Variants in ZNF804A observed in about 807,000 individuals in gnomAD.
ZNF804A encodes the protein zinc finger protein 804A.
In ZNF804A, 2 loss-of-function variants were observed where a neutral mutation model predicts 16.5. The ratio of observed to expected loss-of-function variants is 0.12; its 90% CI spans 0.05 to 0.38. The LOEUF is 0.38. ZNF804A is among the 10% of genes least tolerant of loss of function. The pLI is 0.99. For missense variants in ZNF804A, 1,473 were observed against 1,390.7 expected (o/e 1.06, Z -0.94); for synonymous variants, 534 against 489.6 (o/e 1.09, Z -1.20).
intron 1 of ZNF804A, among the ~76,000 whole-genome samples, chr2:184,838,327 C>T (rs1011676728): frequency 2.6e-5 from 4 of 151,956 alleles, no homozygotes; most frequent in South Asian, 2.1e-4. Context: ...TGTTTGATCT[C>T]GGGCAGGTTA....
At chr2:184,787,982 G>A (rs547043019) in intron 1 of ZNF804A, among the ~76,000 whole-genome samples, 4 of 151,770 alleles carry the variant, frequency 2.6e-5, no homozygotes, top group Non-Finnish European at 5.9e-5. Context: ...CATGTCCTAG[G>A]TTTAGGCCTT....
chr2:184,629,490 A>G (rs1295555293), intron 1 of ZNF804A, among the ~76,000 whole-genome samples: 2 of 152,184 alleles, frequency 1.3e-5, no homozygotes, highest in South Asian at 4.1e-4. Flanking sequence ...GTAATAAACT[A>G]GATAGATGAC....
At chr2:184,604,398 C>T (rs1044961015) in intron 1 of ZNF804A, among the ~76,000 whole-genome samples, 2 of 151,842 alleles carry the variant, frequency 1.3e-5, no homozygotes, top group Non-Finnish European at 2.9e-5. Flanking sequence ...TGGTCTCGAT[C>T]TCCTGACCTC....
intron 2 of ZNF804A, among the ~76,000 whole-genome samples, chr2:184,917,463 A>ACG (rs1553488767): frequency 6.6e-6 from 1 of 151,766 alleles, no homozygotes; most frequent in Non-Finnish European, 1.5e-5. Flanking sequence ...AAAAACAAAT[A>ACG]TGTGTGTGTG....
chr2:184,821,729 A>C (rs1479638957), intron 1 of ZNF804A, among the ~76,000 whole-genome samples: 1 of 152,114 alleles, frequency 6.6e-6, no homozygotes, highest in Non-Finnish European at 1.5e-5. Flanking sequence ...AAAGACAAAC[A>C]ACCATATTAA....
In ZNF804A at chr2:184,938,969, C is replaced by G; in HGVS notation, c.3573C>G (p.Leu1191=). Residue 1191 remains leucine, a synonymous_variant, in exon 4 of 4, where the codon CTC becomes CTG. Transcript: ENST00000302277. ...CTTTCCCATCTTTACCCCATGCACT[C>G]TTTCCTTCACTGCTTTCCCCACACC... ...HLAFPSLPHA[L]FPSLLSPHPT... The G allele has an allele frequency of 3.1e-6, 5 of 1,614,008 alleles. No individual in the cohort carries two copies. Among genetic ancestry groups the G allele is most frequent in the Non-Finnish European group, 4.2e-6 (5 of 1,179,996 alleles).
intron 1 of ZNF804A, among the ~76,000 whole-genome samples, chr2:184,718,992 G>A (rs1479507523): frequency 6.6e-6 from 1 of 152,184 alleles, no homozygotes; most frequent in Non-Finnish European, 1.5e-5. Context: ...TGCCCTAGTA[G>A]AGGTTCTCCA....
At chr2:184,691,280 C>T (rs1318702262) in intron 1 of ZNF804A, among the ~76,000 whole-genome samples, 1 of 151,952 alleles carries the variant, frequency 6.6e-6, no homozygotes, top group Non-Finnish European at 1.5e-5. Flanking sequence ...CTTTGCCTAT[C>T]TCTTTTTTCT....
intron 1 of ZNF804A, among the ~76,000 whole-genome samples, chr2:184,739,743 A>G (rs1490667545): frequency 6.6e-6 from 1 of 152,094 alleles, no homozygotes; most frequent in African/African-American, 2.4e-5. Flanking sequence ...ACAATAGCTT[A>G]CCTCCATACA....
At chr2:184,863,012 A>G (rs1286152500) in intron 1 of ZNF804A, among the ~76,000 whole-genome samples, 1 of 152,158 alleles carries the variant, frequency 6.6e-6, no homozygotes, top group Admixed American at 6.5e-5. Context: ...ATAAAGTGAT[A>G]TAAAGCTAGG....
intron 1 of ZNF804A, among the ~76,000 whole-genome samples, chr2:184,600,890 C>A (rs1691033934): frequency 6.6e-6 from 1 of 152,014 alleles, no homozygotes; most frequent in Non-Finnish European, 1.5e-5. Context: ...ACCATTGTAA[C>A]CTTGTGAGTA....
Position 184,598,969 on chromosome 2 carries a change from T to C in ZNF804A, c.10T>C (p.Tyr4His), listed in dbSNP as rs1401138336. The change falls in exon 1 of 4, where the codon TAC (tyrosine) becomes CAC (histidine). Residue 4 changes from tyrosine (Y) to histidine (H), a missense_variant. Coordinates refer to ENST00000302277, the MANE Select transcript of ZNF804A (RefSeq NM_194250.2). The stretch of plus-strand genomic sequence containing the variant: ...AGGCGGCGGCTGCCCCATGGAGTGT[T>C]ACTACATTGTCATCAGCTCCACGCA... MEC[Y>H]YIVISSTHLS... is the part of the protein sequence containing the mutation. The C allele has an allele frequency of 1.2e-6, 2 of 1,610,774 alleles. No homozygotes were observed. The highest frequency in any genetic ancestry group is 1.7e-6 in the Non-Finnish European group (2 of 1,177,186).
chr2:184,698,529 T>A lies in ZNF804A; in HGVS notation c.111+99459T>A, dbSNP rs114445899. Among the ~76,000 whole-genome samples the A allele has an allele frequency of 4.7e-3, 708 of 152,208 alleles. 12 individuals carry two copies. Among genetic ancestry groups the A allele is most frequent in the African/African-American group, 0.015 (639 of 41,556 alleles). ...GTTTTTTGAGGGAACACTTAGATGG[T>A]CTTTAATATCCTTTTTATCCTGTGT... On this transcript the variant is annotated intron_variant, in intron 1 of 3. Transcript: ENST00000302277.
intron 2 of ZNF804A, among the ~76,000 whole-genome samples, chr2:184,925,617 CTTCT>C (rs1427465376): frequency 6.6e-6 from 1 of 151,824 alleles, no homozygotes; most frequent in Non-Finnish European, 1.5e-5. Flanking sequence ...TCTTCTCTTT[CTTCT>C]TTCTTTCCTT....
At chr2:184,693,366 A>C (rs548828992) in intron 1 of ZNF804A, among the ~76,000 whole-genome samples, 13 of 152,332 alleles carry the variant, frequency 8.5e-5, no homozygotes, top group African/African-American at 3.1e-4. Context: ...TGGCTTGTCC[A>C]AGGTCATCAA....
intron 2 of ZNF804A, among the ~76,000 whole-genome samples, chr2:184,918,393 A>T (rs1045020421): frequency 6.6e-6 from 1 of 152,110 alleles, no homozygotes; most frequent in African/African-American, 2.4e-5. Context: ...GAAGCCAAAA[A>T]TTTGCTAGTA....
intron 1 of ZNF804A, among the ~76,000 whole-genome samples, chr2:184,750,022 A>T (rs114566971): frequency 0.013 from 1,918 of 151,502 alleles, 13 homozygotes; most frequent in Non-Finnish European, 0.02. Flanking sequence ...ATAATACAAG[A>T]TGGTCTCTCA....
Position 184,598,965 on chromosome 2 carries a change from G to A in ZNF804A, c.6G>A (p.Glu2=). The change falls in exon 1 of 4, where the codon GAG becomes GAA. Residue 2 remains glutamate (E), a synonymous_variant. Transcript: ENST00000302277. The part of the protein sequence containing the change: M[E]CYYIVISSTH... ...GAGGAGGCGGCGGCTGCCCCATGGA[G>A]TGTTACTACATTGTCATCAGCTCCA... is the stretch of plus-strand genomic sequence containing the variant. 2 of 1,611,460 alleles carry A rather than the reference G, an allele frequency of 1.2e-6. No homozygotes were observed. The highest frequency in any genetic ancestry group is 1.7e-6 in the Non-Finnish European group (2 of 1,178,022).
intron 2 of ZNF804A, among the ~76,000 whole-genome samples, chr2:184,914,477 C>T (rs1455699522): frequency 6.6e-6 from 1 of 152,144 alleles, no homozygotes; most frequent in Admixed American, 6.6e-5. Flanking sequence ...TCTTCACATA[C>T]TTCTGAGTCC....
Sources: gnomAD v4.1 joint callset for allele counts (sites outside exome capture counted in the v4.1 genomes callset) on GRCh38, gnomAD v4.1.1 for gene constraint, MANE v1.5 for transcripts, NCBI Gene and HGNC (gene_info 2026-07-23, HGNC 2026-07-21) for gene names.